Variants in CDKL3 observed in about 807,000 individuals in gnomAD.
CDKL3 encodes cyclin-dependent kinase-like 3.
CDKL3 carries 65 observed loss-of-function variants against 69.3 expected under a neutral mutation model. That is an observed-to-expected ratio of 0.94 (90% CI 0.77 to 1.15). CDKL3 has a LOEUF of 1.15. CDKL3 is among the 50% of genes most tolerant of loss of function. The pLI is 0.00. For synonymous variants in CDKL3, 202 were observed against 221.6 expected, an observed-to-expected ratio of 0.91 and a Z score of 0.79; for missense variants, 652 against 689.2, an observed-to-expected ratio of 0.95 and a Z score of 0.61.
chr5:134,311,435 A>T (rs569659549), intron 7 of CDKL3, among the ~76,000 whole-genome samples: 10 of 152,044 alleles, frequency 6.6e-5, no homozygotes, highest in African/African-American at 1.9e-4. Flanking sequence ...AACCCGGGAG[A>T]TGGAGGTTTG....
chr5:134,307,463 A>C (rs1347008239), intron 9 of CDKL3, among the ~76,000 whole-genome samples: 1 of 152,206 alleles, frequency 6.6e-6, no homozygotes, highest in African/African-American at 2.4e-5. Context: ...TCACCTCTGC[A>C]GACCACTGGG....
chr5:134,304,610 T>A, intron 10 of CDKL3, 43 bp from the exon 11 acceptor site: 1 of 1,506,656 alleles, frequency 6.6e-7, no homozygotes, highest in Non-Finnish European at 9.0e-7. Context: ...TGTGTCTAAC[T>A]ATTTGTAGAA....
chr5:134,317,350 C>T (rs76539037), intron 6 of CDKL3, among the ~76,000 whole-genome samples: 104 of 152,150 alleles, frequency 6.8e-4, no homozygotes, highest in African/African-American at 2.4e-3. Context: ...TGGTCTGGCT[C>T]GTCTTGAACT....
At chr5:134,292,343 G>T (rs1765156323) in intron 8 of CDKL3, among the ~76,000 whole-genome samples, 1 of 152,036 alleles carries the variant, frequency 6.6e-6, no homozygotes, top group African/African-American at 2.4e-5. Context: ...CAAATAGATG[G>T]TAATTAAAAA....
chr5:134,318,219 CA>C (rs1241147051), intron 6 of CDKL3, among the ~76,000 whole-genome samples: 3 of 118,676 alleles, frequency 2.5e-5, no homozygotes, highest in South Asian at 2.7e-4. Context: ...AACTCCGTCT[CA>C]AAAAAAAAAC....
At chr5:134,302,177 G>A in intron 12 of CDKL3, 1 of 456,486 alleles carries the variant, frequency 2.2e-6, no homozygotes, top group Non-Finnish European at 4.4e-6. Context: ...GTGAAAATAG[G>A]ACAGCAGGCA....
chr5:134,359,384 A>C (rs912854678), intron 3 of CDKL3, among the ~76,000 whole-genome samples: 12 of 152,228 alleles, frequency 7.9e-5, no homozygotes, highest in Non-Finnish European at 1.6e-4. Context: ...ACATCAGAAT[A>C]GCTGTGATCT....
intron 4 of CDKL3, among the ~76,000 whole-genome samples, chr5:134,322,470 T>C (rs1773054278): frequency 6.6e-6 from 1 of 152,218 alleles, no homozygotes; most frequent in Non-Finnish European, 1.5e-5. Flanking sequence ...GCCACCAAAA[T>C]TTAAATTGTA....
chr5:134,344,990 A>G (rs1751477571), intron 4 of CDKL3, among the ~76,000 whole-genome samples: 1 of 152,106 alleles, frequency 6.6e-6, no homozygotes, highest in Admixed American at 6.5e-5. Flanking sequence ...GCTTGAACCC[A>G]GGAGGCGGAT....
chr5:134,352,915 T>C (rs1753682398), intron 3 of CDKL3, among the ~76,000 whole-genome samples: 1 of 152,194 alleles, frequency 6.6e-6, no homozygotes, highest in Non-Finnish European at 1.5e-5. Flanking sequence ...ATGCAGAAGT[T>C]TTTTTGTTTA....
Position 134,360,133 on chromosome 5 carries a change from G to T in CDKL3, c.166-42C>A, listed in dbSNP as rs896730763. 12 of 1,333,238 alleles carry T rather than the reference G, an allele frequency of 9.0e-6. No individual in the cohort carries two copies. In the African/African-American group the frequency reaches 1.5e-4, roughly 16 times the overall value. 82.6% of individuals were successfully genotyped at this position (1,333,238 alleles called of 1,614,324 possible). Reference sequence around the variant, plus strand: ...CAACACAAATTTTTAATTATTTCAAGCCTAACAATTTGTACATATAACGTG... The same window carrying T: ...CAACACAAATTTTTAATTATTTCAATCCTAACAATTTGTACATATAACGTG... On this transcript the variant is annotated intron_variant, in intron 2 of 12. Transcript: ENST00000265334.
At chr5:134,316,851 T>C (rs1771220034) in intron 6 of CDKL3, among the ~76,000 whole-genome samples, 1 of 152,184 alleles carries the variant, frequency 6.6e-6, no homozygotes, top group Non-Finnish European at 1.5e-5. Context: ...TTTAAAAGCA[T>C]AAATTTCTAT....
chr5:134,349,415 G>A (rs1020884756), intron 4 of CDKL3, among the ~76,000 whole-genome samples: 4 of 151,954 alleles, frequency 2.6e-5, no homozygotes, highest in African/African-American at 2.4e-5. Flanking sequence ...TCAGCCTCCC[G>A]AGTAGCTGGG....
chr5:134,303,674 C>CT (rs1389018940), intron 11 of CDKL3, among the ~76,000 whole-genome samples: 3 of 151,236 alleles, frequency 2.0e-5, no homozygotes, highest in South Asian at 2.1e-4. Context: ...TGGAACCCCC[C>CT]CCCCGTCTCT....
At chr5:134,291,742 C>G (rs527737761) in intron 8 of CDKL3, among the ~76,000 whole-genome samples, 2 of 151,578 alleles carry the variant, frequency 1.3e-5, no homozygotes, top group Non-Finnish European at 2.9e-5. Flanking sequence ...CCATTGCACT[C>G]CAGCCTGGGT....
chr5:134,300,324 G>A (rs1057438047), intron 12 of CDKL3, among the ~76,000 whole-genome samples: 3 of 152,038 alleles, frequency 2.0e-5, no homozygotes, highest in African/African-American at 7.2e-5. Context: ...AAGTGGCAGA[G>A]TGAGACTCTG....
At chr5:134,298,242 C>A (rs532153335), downstream of CDKL3, 49 of 984,982 alleles carry the variant, frequency 5.0e-5, no homozygotes, top group South Asian at 2.0e-3. Flanking sequence ...CCATGAATAG[C>A]TTTTAAAACA....
chr5:134,305,892 T>G (rs950279898), intron 10 of CDKL3, among the ~76,000 whole-genome samples: 1 of 152,208 alleles, frequency 6.6e-6, no homozygotes, highest in African/African-American at 2.4e-5. Context: ...GGGGATGAAC[T>G]ACATCGATTA....
intron 3 of CDKL3, among the ~76,000 whole-genome samples, chr5:134,359,655 C>T (rs1425988139): frequency 6.6e-6 from 1 of 152,164 alleles, no homozygotes; most frequent in Non-Finnish European, 1.5e-5. Flanking sequence ...AACAAAATTA[C>T]TGATACTGCC....
Sources: allele counts gnomAD v4.1 joint callset (sites outside exome capture counted in the v4.1 genomes callset), GRCh38; gene constraint gnomAD v4.1.1; transcripts MANE v1.5; gene names NCBI Gene and HGNC (gene_info 2026-07-23, HGNC 2026-07-21).